The following SNX9 variants were observed in gnomAD, a reference collection of about 807,000 sequenced individuals.
SNX9 encodes the protein sorting nexin-9.
A neutral mutation model predicts 89.4 loss-of-function variants in SNX9; 44 were observed. That is an observed-to-expected ratio of 0.49 (90% confidence interval 0.39 to 0.63). The LOEUF is 0.63. Among genes scored for constraint, SNX9 ranks in the 30% least tolerant of loss-of-function variants. SNX9 has a pLI of 0.00. For synonymous variants in SNX9, 236 were observed against 247.8 expected (o/e 0.95, Z 0.45); for missense variants, 578 against 736.1 (o/e 0.79, Z 2.49).
chr6:157,936,305 C>A (rs1321971663), intron 14 of SNX9, among the ~76,000 whole-genome samples: 1 of 152,158 alleles, frequency 6.6e-6, no homozygotes, highest in Non-Finnish European at 1.5e-5. Flanking sequence ...GCGGGTGAAT[C>A]TCTTGAGTCC....
intron 9 of SNX9, among the ~76,000 whole-genome samples, chr6:157,921,195 T>C (rs964296191): frequency 1.3e-5 from 2 of 152,232 alleles, no homozygotes; most frequent in Non-Finnish European, 2.9e-5. Context: ...CAGGTTTTCA[T>C]GTTGAGATAA....
intron 9 of SNX9, among the ~76,000 whole-genome samples, chr6:157,915,009 C>T (rs760908013): frequency 2.5e-4 from 38 of 151,546 alleles, no homozygotes; most frequent in Non-Finnish European, 4.7e-4. Flanking sequence ...TTTTTCACAT[C>T]GGGATATCCA....
chr6:157,900,753 G>T (rs979493344), intron 5 of SNX9, among the ~76,000 whole-genome samples: 6 of 152,208 alleles, frequency 3.9e-5, no homozygotes, highest in African/African-American at 1.4e-4. Flanking sequence ...AGTAATTTCT[G>T]ACAGAGCCTT....
At chr6:157,891,023 T>TTCTC (rs202097194) in intron 4 of SNX9, among the ~76,000 whole-genome samples, 1 of 147,796 alleles carries the variant, frequency 6.8e-6, no homozygotes, top group African/African-American at 2.5e-5. Flanking sequence ...TCTTTTTTCT[T>TTCTC]TCTCTTTTTT....
intron 1 of SNX9, among the ~76,000 whole-genome samples, chr6:157,824,638 G>C (rs1781307137): frequency 6.6e-6 from 1 of 152,168 alleles, no homozygotes; most frequent in South Asian, 2.1e-4. Context: ...TTGTGCTGTG[G>C]TAAATTTTGT....
intron 2 of SNX9, among the ~76,000 whole-genome samples, chr6:157,871,084 T>C (rs16900482): frequency 0.032 from 4,888 of 152,266 alleles, 202 homozygotes; most frequent in African/African-American, 0.093. Context: ...TGTCTTGGAT[T>C]GAAAAAAGAA....
chr6:157,864,241 C>T (rs1182681254), intron 1 of SNX9, among the ~76,000 whole-genome samples: 2 of 152,078 alleles, frequency 1.3e-5, no homozygotes, highest in Non-Finnish European at 2.9e-5. Context: ...TAAACCCACT[C>T]CCACGAGCCC....
intron 1 of SNX9, among the ~76,000 whole-genome samples, chr6:157,835,990 G>A (rs533884036): frequency 7.9e-5 from 12 of 152,170 alleles, no homozygotes; most frequent in African/African-American, 1.7e-4. Flanking sequence ...GTGCCGTGGC[G>A]TGATCTGGGC....
At chr6:157,867,415 C>G in intron 1 of SNX9, 132 bp from the exon 2 acceptor site, 1 of 648,944 alleles carries the variant, frequency 1.5e-6, no homozygotes, top group Non-Finnish European at 2.7e-6. Flanking sequence ...TAATGTCTTC[C>G]TTTCTTCCAA....
At chr6:157,928,572 G>A (rs892706965) in intron 11 of SNX9, 27 bp from the exon 12 acceptor site, 7 of 1,570,920 alleles carry the variant, frequency 4.5e-6, no homozygotes, top group Middle Eastern at 1.7e-4. Flanking sequence ...TCCTGCTTAT[G>A]TGACTGACGG....
chr6:157,832,172 CAT>C (rs1209284682), intron 1 of SNX9, among the ~76,000 whole-genome samples: 3 of 152,284 alleles, frequency 2.0e-5, no homozygotes, highest in East Asian at 3.9e-4. Context: ...AAAATCGAGT[CAT>C]ATGGTATTAT....
chr6:157,848,384 G>A (rs9364677), intron 1 of SNX9, among the ~76,000 whole-genome samples: 7,645 of 152,228 alleles, frequency 0.05, 217 homozygotes, highest in East Asian at 0.11. Flanking sequence ...CCCCCAAACC[G>A]TGGTAGAGAT....
intron 6 of SNX9, among the ~76,000 whole-genome samples, chr6:157,905,388 A>G (rs1022130309): frequency 6.6e-6 from 1 of 152,244 alleles, no homozygotes; most frequent in African/African-American, 2.4e-5. Flanking sequence ...GAAAAATTCT[A>G]AAACCCAAAT....
chr6:157,912,191 T>A (rs1412537455), intron 9 of SNX9, among the ~76,000 whole-genome samples: 1 of 152,262 alleles, frequency 6.6e-6, no homozygotes, highest in Non-Finnish European at 1.5e-5. Context: ...AGTTCTGCCA[T>A]ATAAAATTAT....
intron 5 of SNX9, among the ~76,000 whole-genome samples, chr6:157,901,586 T>TAA (rs1783098806): frequency 6.6e-6 from 1 of 152,094 alleles, no homozygotes; most frequent in Admixed American, 6.6e-5. Context: ...CACGACTTAC[T>TAA]AAAGAGACTG....
intron 4 of SNX9, among the ~76,000 whole-genome samples, chr6:157,895,005 G>T (rs185496613): frequency 1.3e-5 from 2 of 152,268 alleles, no homozygotes; most frequent in Admixed American, 6.5e-5. Context: ...TGCCTCACAG[G>T]GCCTGTATCA....
chr6:157,909,872 G>A (rs748219172), intron 8 of SNX9, 36 bp from the exon 9 acceptor site: 19 of 1,611,518 alleles, frequency 1.2e-5, no homozygotes, highest in South Asian at 8.8e-5. Context: ...TCTAGAGTTG[G>A]CATTGGTAAC....
rs772853467 is a variant in SNX9 at position 157,867,568 on chromosome 6, G to C, written c.34G>C (p.Ala12Pro). The C allele has an allele frequency of 3.7e-6, 6 of 1,612,334 alleles. No individual in the cohort carries two copies. The East Asian group carries it at 1.3e-4, about 36-fold the overall frequency. The change falls in exon 2 of 18, where the codon GCT becomes CCT. Residue 12 changes from alanine (A) to proline (P), a missense_variant. By Grantham distance (27) the Ala-to-Pro change is conservative. This residue lies in a region of SNX9 where 230 missense variants were observed against 244.7 expected (regional missense o/e 0.94). Coordinates refer to ENST00000392185, the MANE Select transcript of SNX9 (RefSeq NM_016224.5). ...ATKARVMYDFAAEPGNNELTV... is the reference protein window; with the variant it reads ...ATKARVMYDFPAEPGNNELTV... ...ATAGGCTCGGGTTATGTATGATTTT[G>C]CTGCTGAACCTGGAAATAATGAACT...
At chr6:157,835,292 C>T (rs763469374) in intron 1 of SNX9, among the ~76,000 whole-genome samples, 13 of 152,026 alleles carry the variant, frequency 8.6e-5, no homozygotes, top group Non-Finnish European at 1.5e-5. Context: ...GGATTACAGG[C>T]GTGAGTCACC....
Sources: allele counts gnomAD v4.1 joint callset (sites outside exome capture counted in the v4.1 genomes callset), GRCh38; gene constraint gnomAD v4.1.1; regional missense constraint gnomAD v4.1.1; transcripts MANE v1.5; gene names NCBI Gene and HGNC (gene_info 2026-07-23, HGNC 2026-07-21).